Variants in ACTR3 observed in about 807,000 individuals in gnomAD.
The protein encoded by ACTR3 is actin-related protein 3.
In ACTR3, 12 loss-of-function variants were observed where a neutral mutation model predicts 56.8. The observed-to-expected ratio is 0.21, with a 90% CI of 0.14 to 0.34. The LOEUF is 0.34. Ranked by LOEUF, ACTR3 falls within the 10% of genes least tolerant of loss-of-function variation. ACTR3 has a pLI of 1.00. For synonymous variants in ACTR3, 162 were observed against 167.4 expected, an observed-to-expected ratio of 0.97 and a Z score of 0.25; for missense variants, 282 against 512.5, an observed-to-expected ratio of 0.55 and a Z score of 4.34.
chr2:113,905,561 C>G (rs868299804), intron 1 of ACTR3, among the ~76,000 whole-genome samples: 1 of 151,884 alleles, frequency 6.6e-6, no homozygotes, highest in African/African-American at 2.4e-5. Context: ...AAAGTACATT[C>G]ACATTATTGT....
chr2:113,934,499 G>A, intron 6 of ACTR3, 113 bp downstream of exon 6: 1 of 650,772 alleles, frequency 1.5e-6, no homozygotes, highest in South Asian at 2.9e-5. Context: ...CTATAATTTG[G>A]CCATTTGTCC....
In ACTR3 at chr2:113,891,790, C is replaced by T. The variant is rs546864194; in HGVS notation, c.44+1467C>T. 7.9e-5 allele frequency among the ~76,000 whole-genome samples: 12 copies of T among 152,152 alleles called. No homozygotes were observed. The South Asian group carries it at 2.3e-3, about 29-fold the overall frequency. On this transcript the variant is annotated intron_variant, in intron 1 of 11. Transcript: ENST00000263238. ...AAACCACCAACTTCTTAATATTCTCCTAGGAAAACACTAGCCTTGGAACTT... is the reference window on the plus strand; with the variant it reads ...AAACCACCAACTTCTTAATATTCTCTTAGGAAAACACTAGCCTTGGAACTT...
intron 1 of ACTR3, among the ~76,000 whole-genome samples, chr2:113,897,626 A>T (rs1405841574): frequency 6.7e-6 from 1 of 148,804 alleles, no homozygotes; most frequent in Non-Finnish European, 1.5e-5. Context: ...TCCAGGGTTC[A>T]AGCTATTCTT....
At position 113,938,341 on chromosome 2, in the gene ACTR3, G is replaced by A. The variant is rs189474662; in HGVS notation, c.541-1618G>A. Among the ~76,000 whole-genome samples the A allele has an allele frequency of 1.1e-4, 16 of 151,924 alleles. No homozygotes were observed. The East Asian group carries it at 1.2e-3, about 11-fold the overall frequency. On this transcript the variant is annotated intron_variant, in intron 6 of 11. Coordinates refer to ENST00000263238, the MANE Select transcript of ACTR3 (RefSeq NM_005721.5). ...TCCTCGTTAAGTGTTGTGTTTTTCC[G>A]CTTCCTTGCATGCTTATAATTTTTG...
chr2:113,914,984 G>A (rs1274116417), intron 2 of ACTR3, among the ~76,000 whole-genome samples: 1 of 152,140 alleles, frequency 6.6e-6, no homozygotes, highest in African/African-American at 2.4e-5. Flanking sequence ...ACATTTATAT[G>A]TCAATACGTT....
At position 113,960,501 on chromosome 2, in the gene ACTR3, A is replaced by G. The variant is rs1483672927; in HGVS notation, c.*3046A>G. 1 of 152,066 alleles carries G rather than the reference A, an allele frequency of 6.6e-6. No homozygotes were observed. The allele number at this position is 152,066 out of a possible 1,614,324, so 9.4% of individuals were successfully genotyped here. A position where few individuals can be genotyped will look rare whatever the true frequency, so the allele number is the denominator to read the frequency against. ...TCTACAGAAAAGTACTAGAGAATAT[A>G]TCTATAGAAACTTCTTTCAGATAAC... On this transcript the variant is annotated 3_prime_UTR_variant, in exon 12 of 12. Transcript: ENST00000263238.
chr2:113,951,681 T>C, intron 9 of ACTR3, 39 bp from the exon 10 acceptor site: 1 of 1,495,764 alleles, frequency 6.7e-7, no homozygotes, highest in East Asian at 2.5e-5. Flanking sequence ...CTTTAAACTT[T>C]TCTCTTTTTA....
chr2:113,937,170 C>T (rs1296937259), intron 6 of ACTR3, among the ~76,000 whole-genome samples: 1 of 152,200 alleles, frequency 6.6e-6, no homozygotes, highest in South Asian at 2.1e-4. Context: ...GTGGTGCGAT[C>T]TCAGCTCGCT....
At chr2:113,896,235 A>G (rs2104579318) in intron 1 of ACTR3, among the ~76,000 whole-genome samples, 1 of 152,356 alleles carries the variant, frequency 6.6e-6, no homozygotes, top group South Asian at 2.1e-4. Context: ...GTAAGGGCAC[A>G]ATATATTTTA....
chr2:113,924,802 A>C (rs1047081416), intron 3 of ACTR3, among the ~76,000 whole-genome samples: 3 of 152,154 alleles, frequency 2.0e-5, no homozygotes, highest in Non-Finnish European at 4.4e-5. Flanking sequence ...CAGAAAGCAG[A>C]ACTGAGTTAA....
chr2:113,895,059 T>TCCCCCCCCCCCCCCCCCCCCCCCC (rs61667793), intron 1 of ACTR3, among the ~76,000 whole-genome samples: 1 of 111,368 alleles, frequency 9.0e-6, no homozygotes, highest in Non-Finnish European at 1.8e-5. Flanking sequence ...TGGTTTAGGT[T>TCCCCCCCCCCCCCCCCCCCCCCCC]CCCCCCCCCC....
rs201766782 is a variant in ACTR3 at position 113,890,331 on chromosome 2, G to C, written c.44+8G>C. 4.1e-5 allele frequency: 62 copies of C among 1,526,742 alleles called. No individual in the cohort carries two copies. The East Asian group carries it at 1.5e-3, about 36-fold the overall frequency. 94.6% of individuals were successfully genotyped at this position (1,526,742 alleles called of 1,614,324 possible). On this transcript the variant is annotated splice_region_variant and intron_variant, in intron 1 of 11. Transcript: ENST00000263238. ...GGTGGACTGTGGCACGGGGTAAGGG[G>C]GCTTACGGGCGGGGGTGGGGAAACT...
At chr2:113,956,750 T>A (rs1035226045) in intron 11 of ACTR3, among the ~76,000 whole-genome samples, 1 of 152,216 alleles carries the variant, frequency 6.6e-6, no homozygotes, top group Non-Finnish European at 1.5e-5. Context: ...ATTGAATAAC[T>A]GTACAACTTT....
At chr2:113,891,339 A>G (rs749908717) in intron 1 of ACTR3, among the ~76,000 whole-genome samples, 6 of 152,188 alleles carry the variant, frequency 3.9e-5, no homozygotes, top group Non-Finnish European at 8.8e-5. Flanking sequence ...TAAGTTGCAA[A>G]TAGTTACTCG....
At chr2:113,910,200 AAT>A (rs1679281495) in intron 1 of ACTR3, among the ~76,000 whole-genome samples, 1 of 152,092 alleles carries the variant, frequency 6.6e-6, no homozygotes, top group Admixed American at 6.5e-5. Flanking sequence ...ACCAGTGGCC[AAT>A]GGTTTAATCA....
chr2:113,895,361 A>G (rs1298280541), intron 1 of ACTR3, among the ~76,000 whole-genome samples: 1 of 152,204 alleles, frequency 6.6e-6, no homozygotes, highest in Non-Finnish European at 1.5e-5. Flanking sequence ...GAGCCACTAC[A>G]CTAGATCTTC....
At chr2:113,895,548 A>G (rs1270987956) in intron 1 of ACTR3, among the ~76,000 whole-genome samples, 1 of 152,216 alleles carries the variant, frequency 6.6e-6, no homozygotes, top group Non-Finnish European at 1.5e-5. Flanking sequence ...ATTCATTTAC[A>G]TAGGCTTCCT....
intron 8 of ACTR3, 34 bp from the exon 9 acceptor site, chr2:113,951,445 A>G: frequency 2.8e-6 from 4 of 1,405,326 alleles, no homozygotes; most frequent in Non-Finnish European, 4.0e-6. Context: ...CAGTAGTGAT[A>G]TGATCTCTAT....
At position 113,957,586 on chromosome 2, in the gene ACTR3, C is replaced by T. The variant is rs1257103673; in HGVS notation, c.*131C>T. 3 of 632,110 alleles carry T rather than the reference C, an allele frequency of 4.7e-6. No individual in the cohort carries two copies. The highest frequency in any genetic ancestry group is 2.5e-5 in the Admixed American group (1 of 39,998). 39.2% of individuals were successfully genotyped at this position (632,110 alleles called of 1,614,324 possible). ...AATAGTAACACCAAACATGATTATA[C>T]AGGAATATTTTAATAAGTGTATCAC... On this transcript the variant is annotated 3_prime_UTR_variant, in exon 12 of 12. Coordinates refer to ENST00000263238, the MANE Select transcript of ACTR3 (RefSeq NM_005721.5).
Sources: gnomAD v4.1 joint callset for allele counts (sites outside exome capture counted in the v4.1 genomes callset) on GRCh38, gnomAD v4.1.1 for gene constraint, MANE v1.5 for transcripts, NCBI Gene and HGNC (gene_info 2026-07-23, HGNC 2026-07-21) for gene names.